Variants in RFX3 observed in about 807,000 individuals in gnomAD.
RFX3 encodes regulatory factor X3.
A neutral mutation model predicts 98.6 loss-of-function variants in RFX3; 14 were observed. That is an observed-to-expected ratio of 0.14 (90% CI 0.09 to 0.22). The LOEUF (loss-of-function observed/expected upper bound fraction) is 0.22, where lower values mean the gene tolerates loss of function less well. Ranked by LOEUF, RFX3 falls within the 10% of genes least tolerant of loss-of-function variation. The pLI is 1.00. For missense variants in RFX3, 639 were observed against 926.9 expected, an observed-to-expected ratio of 0.69 and a Z score of 4.03; for synonymous variants, 383 against 328.4, an observed-to-expected ratio of 1.17 and a Z score of -1.80.
At chr9:3,259,297 A>G (rs1034833390) in intron 13 of RFX3, among the ~76,000 whole-genome samples, 3 of 152,066 alleles carry the variant, frequency 2.0e-5, no homozygotes, top group African/African-American at 7.2e-5. Context: ...AGAAAAGATG[A>G]TAATCTAAAA....
At chr9:3,232,276 TC>T (rs1356871391) in intron 15 of RFX3, among the ~76,000 whole-genome samples, 2 of 152,190 alleles carry the variant, frequency 1.3e-5, no homozygotes, top group Non-Finnish European at 2.9e-5. Flanking sequence ...ATAAGGTGTG[TC>T]TGTGGTTCAG....
At chr9:3,396,788 C>T (rs1033772935) in intron 1 of RFX3, among the ~76,000 whole-genome samples, 9 of 152,120 alleles carry the variant, frequency 5.9e-5, no homozygotes, top group African/African-American at 2.2e-4. Flanking sequence ...TCTCTGATCG[C>T]CAGTGATGAT....
At chr9:3,332,053 T>TCCCTCTGA (rs1333040899) in intron 3 of RFX3, among the ~76,000 whole-genome samples, 1 of 152,176 alleles carries the variant, frequency 6.6e-6, no homozygotes, top group African/African-American at 2.4e-5. Flanking sequence ...TGCTTACTCT[T>TCCCTCTGA]CCCTCTGACT....
At chr9:3,242,429 C>T (rs536146384) in intron 15 of RFX3, among the ~76,000 whole-genome samples, 6 of 151,794 alleles carry the variant, frequency 4.0e-5, no homozygotes, top group Admixed American at 1.3e-4. Context: ...TGCAAACTAT[C>T]TCGACTTGTG....
chr9:3,235,095 C>G (rs566657900), intron 15 of RFX3, among the ~76,000 whole-genome samples: 1 of 152,076 alleles, frequency 6.6e-6, no homozygotes, highest in African/African-American at 2.4e-5. Context: ...CGGAAGAAGT[C>G]GAGAATGACA....
chr9:3,488,971 T>C (rs1195968286), intron 1 of RFX3: 3 of 727,002 alleles, frequency 4.1e-6, no homozygotes, highest in South Asian at 6.1e-5. Context: ...TTCTATTTCA[T>C]CATCACATCT....
At chr9:3,506,509 C>T (rs780491691) in intron 1 of RFX3, among the ~76,000 whole-genome samples, 7 of 151,730 alleles carry the variant, frequency 4.6e-5, no homozygotes, top group East Asian at 1.9e-4. Flanking sequence ...CATAATGCCC[C>T]GCATGTCTCT....
At chr9:3,463,260 G>C (rs895418495) in intron 1 of RFX3, among the ~76,000 whole-genome samples, 1 of 152,022 alleles carries the variant, frequency 6.6e-6, no homozygotes, top group African/African-American at 2.4e-5. Context: ...AAACGCTAAG[G>C]TAATTAAATG....
At chr9:3,480,282 G>A (rs1849626344) in intron 1 of RFX3, among the ~76,000 whole-genome samples, 1 of 152,194 alleles carries the variant, frequency 6.6e-6, no homozygotes, top group South Asian at 2.1e-4. Flanking sequence ...CTCTCTCCAT[G>A]TAATCTCAGA....
chr9:3,252,230 G>T (rs1295943278), intron 14 of RFX3, among the ~76,000 whole-genome samples: 1 of 152,172 alleles, frequency 6.6e-6, no homozygotes, highest in East Asian at 1.9e-4. Context: ...CATTTATTTA[G>T]CAGATATTTA....
intron 1 of RFX3, among the ~76,000 whole-genome samples, chr9:3,484,064 T>C (rs1850041566): frequency 6.6e-6 from 1 of 152,186 alleles, no homozygotes; most frequent in Non-Finnish European, 1.5e-5. Context: ...AATGTTTCTG[T>C]AGCAAAAAAT....
chr9:3,352,133 T>G (rs1476898073), intron 2 of RFX3, among the ~76,000 whole-genome samples: 2 of 152,160 alleles, frequency 1.3e-5, no homozygotes, highest in East Asian at 3.9e-4. Flanking sequence ...TGCCAATACA[T>G]ATTACTAAGT....
rs1332976520 is a variant in RFX3 at position 3,219,192 on chromosome 9, T to C, written c.*5850A>G. 1 of 152,180 alleles carries C rather than the reference T, an allele frequency of 6.6e-6. No homozygotes were observed. The highest frequency in any genetic ancestry group is 1.5e-5 in the Non-Finnish European group (1 of 68,018). 9.4% of individuals were successfully genotyped at this position (152,180 alleles called of 1,614,324 possible). ...TGCTTTTTAAACGAATAAAGTTCAA[T>C]AGATTCTTTATTGGGTCATTTAAAA... On this transcript the variant is annotated 3_prime_UTR_variant, in exon 17 of 17. Coordinates refer to ENST00000617270, the MANE Select transcript of RFX3 (RefSeq NM_001282116.2).
rs563155998 is a variant in RFX3, at chr9:3,365,421, A to G, written c.118-18657T>C. Reference sequence around the variant, plus strand: ...CTGCACATCATACACTATAAATTATACTCTTCATAAAGACACCAACAAAAG... The same window carrying G: ...CTGCACATCATACACTATAAATTATGCTCTTCATAAAGACACCAACAAAAG... On this transcript the variant is annotated intron_variant, in intron 2 of 16. Coordinates refer to ENST00000617270, the MANE Select transcript of RFX3 (RefSeq NM_001282116.2). Among the ~76,000 whole-genome samples the G allele has an allele frequency of 3.9e-5, 6 of 152,238 alleles. No individual in the cohort carries two copies. In the East Asian group the frequency reaches 7.7e-4, roughly 20 times the overall value.
chr9:3,427,370 T>C (rs1289154575), intron 1 of RFX3, among the ~76,000 whole-genome samples: 1 of 138,688 alleles, frequency 7.2e-6, no homozygotes, highest in East Asian at 2.0e-4. Flanking sequence ...TAAATATATA[T>C]TGTTATTATA....
chr9:3,275,965 T>TAATTAAACATATG (rs1320108377), intron 8 of RFX3, among the ~76,000 whole-genome samples: 1 of 152,108 alleles, frequency 6.6e-6, no homozygotes, highest in East Asian at 1.9e-4. Flanking sequence ...ATTATGTTGT[T>TAATTAAACATATG]TAATTACATA....
rs139980140 is a variant in RFX3 at position 3,288,176 on chromosome 9, A to C, written c.806T>G (p.Met269Arg). ...DSPLNRLQEDMQYMAMRQQPM... is the reference protein window; with the variant it reads ...DSPLNRLQEDRQYMAMRQQPM... ...TTGTTGTCTCATAGCCATATACTGC[A>C]TGTCTTCTTGCAGACGATTAAGAGG... Residue 269 changes from methionine to arginine, a missense_variant, in exon 7 of 17, where the codon ATG (methionine) becomes AGG (arginine). Met to Arg is a moderately conservative substitution (Grantham distance 91). Transcript: ENST00000617270. The C allele has an allele frequency of 1.2e-6, 2 of 1,612,856 alleles. No individual in the cohort carries two copies. Among genetic ancestry groups the C allele is most frequent in the Middle Eastern group, 3.3e-4 (2 of 6,052 alleles).
rs529530843 is a variant in RFX3 at position 3,383,815 on chromosome 9, G to A, written c.117+11657C>T. ...ATGGGGATGGGGGTTTCTGGTAAGC[G>A]GAAAACCTGATAAATTCTAGAAGAT... On this transcript the variant is annotated intron_variant, in intron 2 of 16. Transcript: ENST00000617270. Among the ~76,000 whole-genome samples the A allele has an allele frequency of 8.0e-4, 121 of 152,032 alleles. 1 individual carries two copies. Among genetic ancestry groups the A allele is most frequent in the African/African-American group, 2.3e-3 (95 of 41,478 alleles).
chr9:3,388,754 A>G (rs1437360309), intron 2 of RFX3, among the ~76,000 whole-genome samples: 1 of 152,162 alleles, frequency 6.6e-6, no homozygotes, highest in African/African-American at 2.4e-5. Context: ...CTAATCATAA[A>G]AAAATTTCAG....
Sources: gnomAD v4.1 joint callset for allele counts (sites outside exome capture counted in the v4.1 genomes callset) on GRCh38, gnomAD v4.1.1 for gene constraint, MANE v1.5 for transcripts, NCBI Gene and HGNC (gene_info 2026-07-23, HGNC 2026-07-21) for gene names.